The following AFAP1 variants were observed in gnomAD, a reference collection of about 807,000 sequenced individuals.
The protein encoded by AFAP1 is actin filament-associated protein 1.
A neutral mutation model predicts 93.9 loss-of-function variants in AFAP1; 75 were observed. That is an observed-to-expected ratio of 0.80 (90% CI 0.66 to 0.97). The LOEUF (loss-of-function observed/expected upper bound fraction) is 0.97. AFAP1 is among the 50% of genes least tolerant of loss of function. The probability of loss-of-function intolerance (pLI) is 0.00; values close to 1 mark genes in which losing one functional copy is unlikely to be tolerated. For synonymous variants in AFAP1, 517 were observed against 430.7 expected, an observed-to-expected ratio of 1.20 and a Z score of -2.48; for missense variants, 1,201 against 1,050.8, an observed-to-expected ratio of 1.14 and a Z score of -1.98.
At chr4:7,909,019 A>G (rs1217854695) in intron 1 of AFAP1, among the ~76,000 whole-genome samples, 1 of 152,228 alleles carries the variant, frequency 6.6e-6, no homozygotes, top group Non-Finnish European at 1.5e-5. Context: ...AGAGGCCAAT[A>G]TTTAAGTGAT....
At chr4:7,886,334 T>C (rs536085342) in intron 1 of AFAP1, among the ~76,000 whole-genome samples, 23 of 152,228 alleles carry the variant, frequency 1.5e-4, no homozygotes, top group Non-Finnish European at 2.5e-4. Context: ...GTAGTTTAAT[T>C]TGCACCTAAA....
At chr4:7,873,342 CTTTTTTTTTTTTTTTTTT>C (rs1158765422) in intron 1 of AFAP1, among the ~76,000 whole-genome samples, 1 of 50,998 alleles carries the variant, frequency 2.0e-5, no homozygotes, top group Non-Finnish European at 3.5e-5. Flanking sequence ...GAAGACACAC[CTTTTTTTTTTTTTTTTTT>C]TTTTTTTTGA....
At chr4:7,813,609 GTTATT>G (rs1236295189) in intron 8 of AFAP1, among the ~76,000 whole-genome samples, 1 of 152,190 alleles carries the variant, frequency 6.6e-6, no homozygotes, top group Non-Finnish European at 1.5e-5. Context: ...GAGATTGTAT[GTTATT>G]TTATTTCAGG....
At chr4:7,783,429 C>T (rs1257397647) in intron 12 of AFAP1, among the ~76,000 whole-genome samples, 1 of 152,168 alleles carries the variant, frequency 6.6e-6, no homozygotes, top group Non-Finnish European at 1.5e-5. Flanking sequence ...CCTGAGCCAT[C>T]GCGCCTGGCT....
At chr4:7,806,517 G>C (rs1719529183) in intron 9 of AFAP1, among the ~76,000 whole-genome samples, 1 of 152,204 alleles carries the variant, frequency 6.6e-6, no homozygotes, top group South Asian at 2.1e-4. Context: ...CTTCCGGCCA[G>C]TCCAGCTCGG....
At chr4:7,770,009 G>C (rs1417618547) in intron 16 of AFAP1, among the ~76,000 whole-genome samples, 1 of 152,206 alleles carries the variant, frequency 6.6e-6, no homozygotes, top group African/African-American at 2.4e-5. Flanking sequence ...CCAAAGACCT[G>C]CATCTCAAGA....
At chr4:7,883,259 T>C (rs1434272608) in intron 1 of AFAP1, among the ~76,000 whole-genome samples, 1 of 151,784 alleles carries the variant, frequency 6.6e-6, no homozygotes, top group African/African-American at 2.4e-5. Flanking sequence ...TTCACCATAT[T>C]ATTATCTAAT....
chr4:7,764,976 C>T lies in AFAP1; in HGVS notation c.2419-1185G>A, dbSNP rs933465956. 2.6e-5 allele frequency among the ~76,000 whole-genome samples: 4 copies of T among 152,242 alleles called. No individual in the cohort carries two copies. In the East Asian group the frequency reaches 7.7e-4, roughly 29 times the overall value. ...CAAAAATTAGCTGGGTGTGGTGGCG[C>T]ACACCCATAGTCCCAGCTACTCGGT... On this transcript the variant is annotated intron_variant, in intron 17 of 17. Coordinates refer to ENST00000420658, the MANE Select transcript of AFAP1 (RefSeq NM_001134647.2).
intron 16 of AFAP1, among the ~76,000 whole-genome samples, 160 bp from the exon 17 acceptor site, chr4:7,769,168 C>T (rs540107846): frequency 1.3e-5 from 2 of 152,336 alleles, no homozygotes; most frequent in South Asian, 4.1e-4. Context: ...GCCTCACCCC[C>T]AGAGCGTCTC....
chr4:7,837,098 C>T (rs930352085), intron 6 of AFAP1, among the ~76,000 whole-genome samples: 1 of 152,098 alleles, frequency 6.6e-6, no homozygotes, highest in Non-Finnish European at 1.5e-5. Context: ...GTCAAGTAAA[C>T]GTTTCTAAAA....
chr4:7,829,078 G>A (rs759061403), intron 6 of AFAP1, among the ~76,000 whole-genome samples: 4 of 152,180 alleles, frequency 2.6e-5, no homozygotes, highest in Non-Finnish European at 4.4e-5. Context: ...CTCTCCTGCT[G>A]CCATGTGAAG....
chr4:7,933,584 T>G (rs1721219570), intron 1 of AFAP1, among the ~76,000 whole-genome samples: 1 of 151,922 alleles, frequency 6.6e-6, no homozygotes, highest in South Asian at 2.1e-4. Flanking sequence ...AAAAAAATAT[T>G]TAAAAAAAGG....
intron 1 of AFAP1, among the ~76,000 whole-genome samples, chr4:7,889,344 C>T (rs75850356): frequency 1.3e-5 from 2 of 151,556 alleles, no homozygotes; most frequent in Admixed American, 6.6e-5. Flanking sequence ...GTCAGGAGAT[C>T]CAGATCATCC....
At position 7,809,721 on chromosome 4, in the gene AFAP1, A is replaced by T; in HGVS notation, c.947T>A (p.Val316Glu). ...KSSKSEAKGT[V>E]SKVTGKKITK... ...GATTTTTTTCCCAGTGACTTTCGAC[A>T]CAGTGCCCTTGGCCTCTGATTTGGA... is the stretch of plus-strand genomic sequence containing the variant. The change falls in exon 9 of 18, where the codon GTG becomes GAG. Residue 316 changes from valine to glutamate, a missense_variant. Val to Glu is a moderately radical substitution (Grantham distance 121, BLOSUM62 -2). Transcript: ENST00000420658. The T allele has an allele frequency of 1.2e-6, 2 of 1,613,870 alleles. No homozygotes were observed. The highest frequency in any genetic ancestry group is 1.7e-6 in the Non-Finnish European group (2 of 1,179,908).
intron 12 of AFAP1, 91 bp downstream of exon 12, chr4:7,786,103 C>G (rs1577205092): frequency 8.3e-7 from 1 of 1,208,192 alleles, no homozygotes. Flanking sequence ...TGACCTTATT[C>G]AGACCTGAAA....
intron 4 of AFAP1, among the ~76,000 whole-genome samples, chr4:7,844,067 T>A (rs1158473103): frequency 6.6e-6 from 1 of 152,080 alleles, no homozygotes; most frequent in African/African-American, 2.4e-5. Context: ...AATGCTCTCA[T>A]CTTTTGGGGT....
At chr4:7,900,586 C>T (rs555151323) in intron 1 of AFAP1, among the ~76,000 whole-genome samples, 1 of 152,310 alleles carries the variant, frequency 6.6e-6, no homozygotes, top group Admixed American at 6.5e-5. Context: ...CAGGCCCACG[C>T]CAGCGACTCC....
chr4:7,768,869 C>G lies in AFAP1; in HGVS notation c.2393G>C (p.Arg798Pro). ...SQAAPGSSPCRGHVLRKAKEW... is the reference protein window; with the variant it reads ...SQAAPGSSPCPGHVLRKAKEW... Reference sequence around the variant, plus strand: ...CTTGGCCTTCCGCAGCACATGCCCTCGGCAGGGGGAGCTGCCCGGGGCAGC... The same window carrying G: ...CTTGGCCTTCCGCAGCACATGCCCTGGGCAGGGGGAGCTGCCCGGGGCAGC... Residue 798 changes from arginine to proline, a missense_variant, in exon 17 of 18, where the codon CGA (arginine) becomes CCA (proline). Transcript: ENST00000420658. The G allele has an allele frequency of 3.7e-6, 6 of 1,607,000 alleles. No individual in the cohort carries two copies. Among genetic ancestry groups the G allele is most frequent in the Non-Finnish European group, 5.1e-6 (6 of 1,174,922 alleles).
At chr4:7,809,165 T>G (rs1301003601) in intron 9 of AFAP1, among the ~76,000 whole-genome samples, 1 of 151,742 alleles carries the variant, frequency 6.6e-6, no homozygotes, top group Non-Finnish European at 1.5e-5. Flanking sequence ...ACCCATTAAC[T>G]CATCATTTAG....
Sources: gnomAD v4.1 joint callset for allele counts (sites outside exome capture counted in the v4.1 genomes callset) on GRCh38, gnomAD v4.1.1 for gene constraint, MANE v1.5 for transcripts, NCBI Gene and HGNC (gene_info 2026-07-23, HGNC 2026-07-21) for gene names.